RPS6KC1: variants seen among roughly 807,000 people sequenced by gnomAD.
The protein encoded by RPS6KC1 is ribosomal protein S6 kinase C1.
A neutral mutation model predicts 103.8 loss-of-function variants in RPS6KC1; 54 were observed. The ratio of observed to expected loss-of-function variants is 0.52; its 90% CI spans 0.42 to 0.65. The LOEUF is 0.65. Among genes scored for constraint, RPS6KC1 ranks in the 30% least tolerant of loss-of-function variants. The pLI is 0.00. For missense variants in RPS6KC1, 1,151 were observed against 1,253.8 expected (o/e 0.92, Z 1.24); for synonymous variants, 439 against 438.7 (o/e 1.00, Z -0.01).
chr1:213,308,568 C>T, the RPS6KC1 span, among the ~76,000 whole-genome samples: 1 of 152,164 alleles, frequency 6.6e-6, no homozygotes, highest in African/African-American at 2.4e-5. Context: ...TGTCTATCTT[C>T]CAAAAGTCAT....
At chr1:213,671,176 T>C in the RPS6KC1 span, among the ~76,000 whole-genome samples, 2 of 152,202 alleles carry the variant, frequency 1.3e-5, no homozygotes, top group Non-Finnish European at 2.9e-5. Context: ...ACATACACAA[T>C]GGAATAGTAT....
the RPS6KC1 span, among the ~76,000 whole-genome samples, chr1:213,761,422 A>G: frequency 6.6e-6 from 1 of 152,190 alleles, no homozygotes; most frequent in African/African-American, 2.4e-5. Flanking sequence ...ATATAGTTTT[A>G]ATAATCTCTC....
chr1:213,830,919 C>T, the RPS6KC1 span, among the ~76,000 whole-genome samples: 2 of 152,176 alleles, frequency 1.3e-5, no homozygotes, highest in Non-Finnish European at 2.9e-5. Flanking sequence ...ACAGTGGGTT[C>T]TGCCAAATGT....
At chr1:213,816,036 A>G in the RPS6KC1 span, among the ~76,000 whole-genome samples, 1 of 152,222 alleles carries the variant, frequency 6.6e-6, no homozygotes, top group Non-Finnish European at 1.5e-5. Flanking sequence ...AGAGACAGGG[A>G]AACAGTCGGT....
At chr1:213,487,669 T>C in the RPS6KC1 span, among the ~76,000 whole-genome samples, 41,382 of 152,010 alleles carry the variant, frequency 0.27, 5,989 homozygotes, top group Admixed American at 0.36. Flanking sequence ...TAAATCCTGG[T>C]TCTGCTACTT....
intron 12 of RPS6KC1, among the ~76,000 whole-genome samples, chr1:213,258,683 A>G (rs1319169705): frequency 1.3e-5 from 2 of 152,350 alleles, no homozygotes; most frequent in East Asian, 3.9e-4. Context: ...TTGAGCAGGG[A>G]AATGATGTCA....
the RPS6KC1 span, among the ~76,000 whole-genome samples, chr1:213,619,097 A>C: frequency 6.6e-6 from 1 of 152,362 alleles, no homozygotes; most frequent in Non-Finnish European, 1.5e-5. Flanking sequence ...TTCCATAGAA[A>C]GAAGCTCTAA....
At chr1:213,605,895 AG>A in the RPS6KC1 span, among the ~76,000 whole-genome samples, 1 of 152,218 alleles carries the variant, frequency 6.6e-6, no homozygotes, top group South Asian at 2.1e-4. Context: ...GGTGCTGAGA[AG>A]GATGCCGCCG....
At chr1:213,316,489 C>G in the RPS6KC1 span, among the ~76,000 whole-genome samples, 1 of 152,164 alleles carries the variant, frequency 6.6e-6, no homozygotes, top group African/African-American at 2.4e-5. Flanking sequence ...TCTGGTGAAT[C>G]TAATGATTTT....
At chr1:213,809,488 A>T in the RPS6KC1 span, among the ~76,000 whole-genome samples, 1 of 152,214 alleles carries the variant, frequency 6.6e-6, no homozygotes, top group African/African-American at 2.4e-5. Flanking sequence ...CTTGCTTGAT[A>T]CAGGGTTTTC....
At chr1:213,558,910 A>G in the RPS6KC1 span, among the ~76,000 whole-genome samples, 2 of 152,232 alleles carry the variant, frequency 1.3e-5, no homozygotes, top group Non-Finnish European at 2.9e-5. Flanking sequence ...AGACAATGCA[A>G]TAGCTCCAGA....
At chr1:213,348,314 C>G in the RPS6KC1 span, among the ~76,000 whole-genome samples, 2 of 152,198 alleles carry the variant, frequency 1.3e-5, no homozygotes, top group South Asian at 4.1e-4. Flanking sequence ...TGATAATAAA[C>G]ATAAGAAAAC....
chr1:213,372,985 T>C, the RPS6KC1 span, among the ~76,000 whole-genome samples: 1 of 152,242 alleles, frequency 6.6e-6, no homozygotes, highest in Non-Finnish European at 1.5e-5. Context: ...AAGCTAATTG[T>C]GGAGTTTTAA....
At chr1:213,518,144 C>A in the RPS6KC1 span, among the ~76,000 whole-genome samples, 1 of 152,050 alleles carries the variant, frequency 6.6e-6, no homozygotes. Flanking sequence ...TGTAAAAATT[C>A]CAGTTTTAAA....
At chr1:213,711,344 GT>G in the RPS6KC1 span, among the ~76,000 whole-genome samples, 1 of 152,068 alleles carries the variant, frequency 6.6e-6, no homozygotes, top group African/African-American at 2.4e-5. Flanking sequence ...CTTGTGCTTT[GT>G]TTTTCAGCTC....
At chr1:213,321,463 A>T in the RPS6KC1 span, among the ~76,000 whole-genome samples, 1 of 152,176 alleles carries the variant, frequency 6.6e-6, no homozygotes, top group African/African-American at 2.4e-5. Flanking sequence ...CATGGTTGGC[A>T]TGATTGTAGT....
intron 3 of RPS6KC1, among the ~76,000 whole-genome samples, chr1:213,086,333 G>A (rs989378565): frequency 1.3e-5 from 2 of 152,252 alleles, no homozygotes; most frequent in African/African-American, 4.8e-5. Context: ...GGATCTGCTG[G>A]CACCACAACA....
chr1:213,395,697 T>C, the RPS6KC1 span, among the ~76,000 whole-genome samples: 2 of 152,246 alleles, frequency 1.3e-5, no homozygotes, highest in African/African-American at 4.8e-5. Context: ...GTTTAATACC[T>C]GGCTTACAAA....
At chr1:213,417,190 A>G in the RPS6KC1 span, among the ~76,000 whole-genome samples, 1 of 152,096 alleles carries the variant, frequency 6.6e-6, no homozygotes, top group South Asian at 2.1e-4. Context: ...CCGGGCCCCA[A>G]CCGCTTCCAG....
Sources: allele counts gnomAD v4.1 joint callset (sites outside exome capture counted in the v4.1 genomes callset), GRCh38; gene constraint gnomAD v4.1.1; transcripts MANE v1.5; gene names NCBI Gene and HGNC (gene_info 2026-07-23, HGNC 2026-07-21).